The following NTNG1 variants were observed in gnomAD, a reference collection of about 807,000 sequenced individuals.
The protein encoded by NTNG1 is netrin G1, also known as netrin-G1.
In NTNG1, 16 loss-of-function variants were observed where a neutral mutation model predicts 54.0. That is an observed-to-expected ratio of 0.30 (90% CI 0.20 to 0.45). The LOEUF is 0.45. NTNG1 is among the 20% of genes least tolerant of loss of function. The pLI is 1.00. For synonymous variants in NTNG1, 255 were observed against 263.1 expected (o/e 0.97, Z 0.30); for missense variants, 530 against 678.7 (o/e 0.78, Z 2.43).
intron 2 of NTNG1, among the ~76,000 whole-genome samples, chr1:107,259,208 AT>A (rs1278739417): frequency 6.6e-6 from 1 of 152,158 alleles, no homozygotes; most frequent in African/African-American, 2.4e-5. Flanking sequence ...TTTTTCCAGT[AT>A]ATTTTTATTC....
At chr1:107,470,879 A>G (rs484875) in intron 7 of NTNG1, among the ~76,000 whole-genome samples, 148,249 of 152,286 alleles carry the variant, frequency 0.97, 72,287 homozygotes, top group East Asian at 1. Context: ...GATTCTCAGT[A>G]AATTAATTCT....
At chr1:107,391,705 G>T (rs1014428322) in intron 3 of NTNG1, among the ~76,000 whole-genome samples, 7 of 152,038 alleles carry the variant, frequency 4.6e-5, no homozygotes, top group Admixed American at 2.6e-4. Flanking sequence ...GAACAAGAAT[G>T]GGGGAGGGAG....
intron 3 of NTNG1, among the ~76,000 whole-genome samples, chr1:107,333,461 C>A (rs1045462597): frequency 6.6e-6 from 1 of 151,954 alleles, no homozygotes; most frequent in Non-Finnish European, 1.5e-5. Context: ...ATATTAAAGA[C>A]CCTGAGGTGT....
chr1:107,345,628 T>A (rs1039120866), intron 3 of NTNG1, among the ~76,000 whole-genome samples: 1 of 152,176 alleles, frequency 6.6e-6, no homozygotes, highest in African/African-American at 2.4e-5. Context: ...TGCAGGCTGA[T>A]AACTGGCCCT....
In NTNG1 at chr1:107,483,782, A is replaced by G. The variant is rs17019203; in HGVS notation, c.*2942A>G. On this transcript the variant is annotated 3_prime_UTR_variant, in exon 8 of 8. Coordinates refer to ENST00000370068, the MANE Select transcript of NTNG1 (RefSeq NM_001113226.3). ...ACATAGAACTGATATAATTCCTTCT[A>G]TCAATAATATTGATGGGCATAACAT... is the stretch of plus-strand genomic sequence containing the variant. Among the ~76,000 whole-genome samples, 9,992 of 152,256 alleles carry G rather than the reference A, an allele frequency of 0.066. 541 individuals carry two copies. The highest frequency in any genetic ancestry group is 0.14 in the African/African-American group (5,871 of 41,518).
chr1:107,404,713 A>G (rs916532591), intron 4 of NTNG1, among the ~76,000 whole-genome samples: 2 of 152,116 alleles, frequency 1.3e-5, no homozygotes, highest in African/African-American at 4.8e-5. Context: ...AAATGCAAAA[A>G]CAAGTTGATA....
chr1:107,457,407 T>C (rs1442507087), intron 7 of NTNG1, among the ~76,000 whole-genome samples: 1 of 152,212 alleles, frequency 6.6e-6, no homozygotes, highest in Non-Finnish European at 1.5e-5. Context: ...GGCACTGTGC[T>C]CAGTGCTATA....
At chr1:107,422,487 A>G (rs548117015) in intron 5 of NTNG1, among the ~76,000 whole-genome samples, 1 of 152,200 alleles carries the variant, frequency 6.6e-6, no homozygotes, top group Non-Finnish European at 1.5e-5. Context: ...GTCCAGACAC[A>G]TTCCTGGGGG....
chr1:107,302,858 T>C (rs113407930), intron 2 of NTNG1, among the ~76,000 whole-genome samples: 1,756 of 152,312 alleles, frequency 0.012, 38 homozygotes, highest in African/African-American at 0.04. Flanking sequence ...TTTTGTTTTA[T>C]ATTTCTTTTG....
At chr1:107,177,730 T>C (rs1442722149) in intron 2 of NTNG1, among the ~76,000 whole-genome samples, 2 of 152,250 alleles carry the variant, frequency 1.3e-5, no homozygotes, top group Non-Finnish European at 2.9e-5. Flanking sequence ...TTATCAACTT[T>C]AGGCAACATT....
At chr1:107,179,810 C>T (rs1312236516) in intron 2 of NTNG1, among the ~76,000 whole-genome samples, 1 of 152,122 alleles carries the variant, frequency 6.6e-6, no homozygotes, top group Non-Finnish European at 1.5e-5. Context: ...TGAGTTATCT[C>T]CATTTCCCTT....
rs116293796 is a variant in NTNG1 at position 107,381,247 on chromosome 1, G to T, written c.888-13907G>T. Among the ~76,000 whole-genome samples, 720 of 141,368 alleles carry T rather than the reference G, an allele frequency of 5.1e-3. 8 individuals carry two copies. Among genetic ancestry groups the T allele is most frequent in the African/African-American group, 0.018 (681 of 38,232 alleles). 92.7% of individuals were successfully genotyped at this position (141,368 alleles called of 152,430 possible). The stretch of plus-strand genomic sequence containing the variant: ...CAGATAAGGAGCTAGACCTAGAGAA[G>T]CAAAGTCACTAGCCTAAGGTCAAAC... On this transcript the variant is annotated intron_variant, in intron 3 of 7. Transcript: ENST00000370068.
intron 7 of NTNG1, among the ~76,000 whole-genome samples, chr1:107,458,159 C>T (rs1268746561): frequency 6.6e-6 from 1 of 152,140 alleles, no homozygotes; most frequent in Admixed American, 6.5e-5. Flanking sequence ...CCAAAATCCC[C>T]TTACTTTAAA....
chr1:107,215,107 T>C (rs910169064), intron 2 of NTNG1, among the ~76,000 whole-genome samples: 1 of 152,188 alleles, frequency 6.6e-6, no homozygotes, highest in African/African-American at 2.4e-5. Context: ...GATTATTTAT[T>C]TTGCTGTGCA....
At chr1:107,452,561 C>G (rs367932563) in intron 7 of NTNG1, among the ~76,000 whole-genome samples, 12 of 152,226 alleles carry the variant, frequency 7.9e-5, no homozygotes, top group African/African-American at 2.6e-4. Flanking sequence ...TCATGAATGG[C>G]TACTAGTGCA....
At chr1:107,327,845 C>T (rs1475134317) in intron 3 of NTNG1, among the ~76,000 whole-genome samples, 1 of 152,096 alleles carries the variant, frequency 6.6e-6, no homozygotes, top group African/African-American at 2.4e-5. Flanking sequence ...GACAGTTGAT[C>T]TTTGCTTAAG....
At chr1:107,328,197 A>G (rs565311948) in intron 3 of NTNG1, among the ~76,000 whole-genome samples, 1 of 152,164 alleles carries the variant, frequency 6.6e-6, no homozygotes, top group Non-Finnish European at 1.5e-5. Flanking sequence ...TAAACTTAAT[A>G]ATCTACATGG....
At chr1:107,261,370 A>G (rs928849164) in intron 2 of NTNG1, among the ~76,000 whole-genome samples, 4 of 152,192 alleles carry the variant, frequency 2.6e-5, no homozygotes, top group African/African-American at 9.7e-5. Flanking sequence ...CCAGTAGCCA[A>G]TTTGATAACA....
At chr1:107,264,139 C>CACACACACACGCCCACAA (rs1259232444) in intron 2 of NTNG1, among the ~76,000 whole-genome samples, 7 of 151,848 alleles carry the variant, frequency 4.6e-5, no homozygotes, top group Non-Finnish European at 4.4e-5. Flanking sequence ...CTGTAGAATA[C>CACACACACACGCCCACAA]ACACACACAC....
Sources: allele counts gnomAD v4.1 joint callset (sites outside exome capture counted in the v4.1 genomes callset), GRCh38; gene constraint gnomAD v4.1.1; transcripts MANE v1.5; gene names NCBI Gene and HGNC (gene_info 2026-07-23, HGNC 2026-07-21).